PEX13: variants seen among roughly 807,000 people sequenced by gnomAD.
The protein encoded by PEX13 is peroxisomal biogenesis factor 13.
PEX13 carries 28 observed loss-of-function variants against 34.5 expected under a neutral mutation model. That is an observed-to-expected ratio of 0.81 (90% CI 0.60 to 1.11). The LOEUF is 1.11. Among genes scored for constraint, PEX13 ranks in the 50% most tolerant of loss-of-function variants. The pLI, the probability that PEX13 is intolerant of heterozygous loss-of-function variation, is 0.00. For synonymous variants in PEX13, 177 were observed against 175.1 expected (o/e 1.01, Z -0.09); for missense variants, 550 against 491.0 (o/e 1.12, Z -1.13).
intron 1 of PEX13, among the ~76,000 whole-genome samples, chr2:61,027,614 C>G (rs551344514): frequency 6.6e-6 from 1 of 152,316 alleles, no homozygotes. Context: ...TTTGTTACTT[C>G]ATTGAAGCCT....
At chr2:61,038,502 A>C (rs980223346) in intron 2 of PEX13, among the ~76,000 whole-genome samples, 12 of 152,238 alleles carry the variant, frequency 7.9e-5, no homozygotes, top group African/African-American at 2.9e-4. Flanking sequence ...CAAAGACAAA[A>C]ACCAAATGAT....
intron 2 of PEX13, among the ~76,000 whole-genome samples, chr2:61,036,881 A>C (rs1193946480): frequency 2.6e-5 from 4 of 152,090 alleles, no homozygotes; most frequent in Non-Finnish European, 4.4e-5. Context: ...TATTCAGGAG[A>C]CCCATCTCTT....
rs1680784538 is a variant in PEX13 at position 61,050,782 on chromosome 2, G to C, written c.*2012G>C. 6.6e-6 allele frequency: 1 copy of C among 152,178 alleles called. No individual in the cohort carries two copies. The highest frequency in any genetic ancestry group is 1.5e-5 in the Non-Finnish European group (1 of 68,126). 9.4% of individuals were successfully genotyped at this position (152,178 alleles called of 1,614,324 possible). Reference sequence around the variant, plus strand: ...CTACAGGCGCCTGCCACCAGGCCCGGCTAATTTTTTTTGTATTTTTAGTAG... The same window carrying C: ...CTACAGGCGCCTGCCACCAGGCCCGCCTAATTTTTTTTGTATTTTTAGTAG... On this transcript the variant is annotated 3_prime_UTR_variant, in exon 4 of 4. Transcript: ENST00000295030.
intron 1 of PEX13, among the ~76,000 whole-genome samples, chr2:61,024,612 A>G (rs550954311): frequency 2.0e-5 from 3 of 152,168 alleles, no homozygotes; most frequent in Non-Finnish European, 2.9e-5. Flanking sequence ...GATCGAGACC[A>G]TCCTGGCTAA....
Position 61,045,663 on chromosome 2 carries a change from C to G in PEX13, c.788-63C>G, listed in dbSNP as rs943310606. On this transcript the variant is annotated intron_variant, in intron 2 of 3. Coordinates refer to ENST00000295030, the MANE Select transcript of PEX13 (RefSeq NM_002618.4). Reference sequence around the variant, plus strand: ...ATTTATGCAGTTTGCAAGCCATAGCCAGTGAAATATCTGCATTTTTCTTTT... The same window carrying G: ...ATTTATGCAGTTTGCAAGCCATAGCGAGTGAAATATCTGCATTTTTCTTTT... 4 of 1,454,198 alleles carry G rather than the reference C, an allele frequency of 2.8e-6. No homozygotes were observed. In the South Asian group the frequency reaches 4.6e-5, roughly 17 times the overall value. 90.1% of individuals were successfully genotyped at this position (1,454,198 alleles called of 1,614,324 possible). A position where few individuals can be genotyped will look rare whatever the true frequency, so the allele number is the denominator to read the frequency against.
At chr2:61,045,704 C>T in intron 2 of PEX13, 22 bp from the exon 3 acceptor site, 1 of 1,608,522 alleles carries the variant, frequency 6.2e-7, no homozygotes, top group Non-Finnish European at 8.5e-7. Context: ...TTTTATTAAC[C>T]TAATTTTAAT....
At chr2:61,022,228 C>G (rs1680276172) in intron 1 of PEX13, among the ~76,000 whole-genome samples, 2 of 152,190 alleles carry the variant, frequency 1.3e-5, no homozygotes, top group Admixed American at 6.5e-5. Context: ...TAACAAACTT[C>G]TCCGAGCTAA....
At chr2:61,033,246 C>A (rs184423818) in intron 2 of PEX13, among the ~76,000 whole-genome samples, 9 of 152,112 alleles carry the variant, frequency 5.9e-5, no homozygotes, top group Admixed American at 5.2e-4. Context: ...AATTTGGGGG[C>A]ATCAGTAATG....
At chr2:61,023,949 A>G (rs1296874738) in intron 1 of PEX13, among the ~76,000 whole-genome samples, 1 of 152,038 alleles carries the variant, frequency 6.6e-6, no homozygotes, top group African/African-American at 2.4e-5. Flanking sequence ...GGTAAGTGCC[A>G]CAACGCCCAG....
intron 2 of PEX13, among the ~76,000 whole-genome samples, chr2:61,040,554 G>T (rs1018557169): frequency 6.6e-6 from 1 of 151,954 alleles, no homozygotes; most frequent in Non-Finnish European, 1.5e-5. Flanking sequence ...CATGGATACA[G>T]GGCAGGGAGC....
At chr2:61,020,057 A>C (rs769694938) in intron 1 of PEX13, among the ~76,000 whole-genome samples, 37 of 152,192 alleles carry the variant, frequency 2.4e-4, no homozygotes, top group Admixed American at 6.5e-4. Flanking sequence ...CCCCGTCTCT[A>C]CTAAAAATAC....
At chr2:61,048,405 A>G in intron 3 of PEX13, 67 bp from the exon 4 acceptor site, 1 of 1,279,336 alleles carries the variant, frequency 7.8e-7, no homozygotes, top group Non-Finnish European at 1.1e-6. Flanking sequence ...GTGATATTTT[A>G]CCATTACTAT....
At chr2:61,035,408 G>T (rs560486090) in intron 2 of PEX13, among the ~76,000 whole-genome samples, 1 of 152,162 alleles carries the variant, frequency 6.6e-6, no homozygotes, top group African/African-American at 2.4e-5. Flanking sequence ...AAACCAGAGC[G>T]CCTCTTCTCC....
At chr2:61,019,438 C>G (rs1680204814) in intron 1 of PEX13, among the ~76,000 whole-genome samples, 2 of 151,958 alleles carry the variant, frequency 1.3e-5, no homozygotes, top group Admixed American at 6.6e-5. Flanking sequence ...TTTAATACAG[C>G]CAAAATTGTC....
At chr2:61,018,412 A>G (rs1290884881) in intron 1 of PEX13, 9 of 1,231,236 alleles carry the variant, frequency 7.3e-6, no homozygotes, top group Non-Finnish European at 9.9e-6. Context: ...GGAGTTCTAG[A>G]TCTGAGGCCT....
At chr2:61,017,982 G>A in intron 1 of PEX13, 131 bp downstream of exon 1, 1 of 1,309,494 alleles carries the variant, frequency 7.6e-7, no homozygotes, top group Non-Finnish European at 1.0e-6. Flanking sequence ...TGGGGATAGG[G>A]GCCGAGGTGG....
Position 61,024,273 on chromosome 2 carries a change from T to G in PEX13, c.92+6422T>G, listed in dbSNP as rs2104797859. On this transcript the variant is annotated intron_variant, in intron 1 of 3. Coordinates refer to ENST00000295030, the MANE Select transcript of PEX13 (RefSeq NM_002618.4). ...CAGGGATACTTGAATCTGACTTTGA[T>G]GCCTCTTATTAATTCCAGAAAACTT... 1.3e-5 allele frequency among the ~76,000 whole-genome samples: 2 copies of G among 152,350 alleles called. 1 individual carries two copies. Among genetic ancestry groups the G allele is most frequent in the South Asian group, 4.1e-4 (2 of 4,832 alleles).
At chr2:61,040,114 T>C (rs1276419588) in intron 2 of PEX13, among the ~76,000 whole-genome samples, 1 of 152,120 alleles carries the variant, frequency 6.6e-6, no homozygotes, top group African/African-American at 2.4e-5. Context: ...TGTGGAGAAA[T>C]AGGAATGCTT....
intron 2 of PEX13, among the ~76,000 whole-genome samples, chr2:61,040,063 T>C (rs1559041457): frequency 6.6e-6 from 1 of 151,882 alleles, no homozygotes; most frequent in East Asian, 1.9e-4. Flanking sequence ...CCAGTTAGAA[T>C]GATCATTAAA....
Sources: gnomAD v4.1 joint callset for allele counts (sites outside exome capture counted in the v4.1 genomes callset) on GRCh38, gnomAD v4.1.1 for gene constraint, MANE v1.5 for transcripts, NCBI Gene and HGNC (gene_info 2026-07-23, HGNC 2026-07-21) for gene names.